Variants in FREM1 observed in about 807,000 individuals in gnomAD.
FREM1 encodes FRAS1 related extracellular matrix 1.
FREM1 carries 220 observed loss-of-function variants against 210.1 expected under a neutral mutation model. The observed-to-expected ratio is 1.05, with a 90% CI of 0.94 to 1.17. The LOEUF is 1.17. Among genes scored for constraint, FREM1 ranks in the 50% most tolerant of loss-of-function variants. The pLI is 0.00. For missense variants in FREM1, 3,454 were observed against 2,675.5 expected, an observed-to-expected ratio of 1.29 and a Z score of -6.42; for synonymous variants, 1,189 against 980.2, an observed-to-expected ratio of 1.21 and a Z score of -3.98.
intron 13 of FREM1, 106 bp downstream of exon 13, chr9:14,823,054 T>C: frequency 1.3e-6 from 1 of 799,060 alleles, no homozygotes; most frequent in South Asian, 3.8e-5. Flanking sequence ...ATTTCTTTTA[T>C]AAGTTTAAAA....
chr9:14,863,753 T>G (rs1427363240), intron 3 of FREM1, 56 bp downstream of exon 3: 1 of 1,062,196 alleles, frequency 9.4e-7, no homozygotes, highest in Non-Finnish European at 1.5e-6. Context: ...AAAGCCCTCA[T>G]AAGAACACAG....
In FREM1 at chr9:14,820,149, C is replaced by A. The variant is rs549382807; in HGVS notation, c.2338-707G>T. On this transcript the variant is annotated intron_variant, in intron 13 of 36. Coordinates refer to ENST00000380880, the MANE Select transcript of FREM1 (RefSeq NM_001379081.2). ...TCATTGGGAGGGAGCAATAAGTGTTCTATGGCCAAATAAGTCTAGAAAAAA... is the reference window on the plus strand; with the variant it reads ...TCATTGGGAGGGAGCAATAAGTGTTATATGGCCAAATAAGTCTAGAAAAAA... Among the ~76,000 whole-genome samples the A allele has an allele frequency of 2.0e-5, 3 of 152,302 alleles. No individual in the cohort carries two copies. The East Asian group carries it at 5.8e-4, about 29-fold the overall frequency.
Position 14,752,320 on chromosome 9 carries a change from A to G in FREM1, c.5408-2044T>C, listed in dbSNP as rs932954002. Among the ~76,000 whole-genome samples the G allele has an allele frequency of 1.1e-4, 16 of 152,306 alleles. No individual in the cohort carries two copies. In the East Asian group the frequency reaches 1.9e-3, roughly 18 times the overall value. ...AGGAGGGAGGAAACAGGAAAACAAC[A>G]TAAGTAAAGACAGGAAGATAGCAAA... is the stretch of plus-strand genomic sequence containing the variant. On this transcript the variant is annotated intron_variant, in intron 29 of 36. Coordinates refer to ENST00000380880, the MANE Select transcript of FREM1 (RefSeq NM_001379081.2).
At chr9:14,902,378 G>A (rs539250968) in intron 1 of FREM1, among the ~76,000 whole-genome samples, 1 of 152,148 alleles carries the variant, frequency 6.6e-6, no homozygotes. Context: ...AAAAACTAAA[G>A]TGGGGGAAGG....
chr9:14,749,245 T>G (rs745715372), intron 30 of FREM1, among the ~76,000 whole-genome samples: 4 of 152,184 alleles, frequency 2.6e-5, no homozygotes, highest in South Asian at 2.1e-4. Flanking sequence ...GTGTATATCA[T>G]GTATTTTATG....
At position 14,812,698 on chromosome 9, in the gene FREM1, C is replaced by T. The variant is rs1588129742; in HGVS notation, c.2893+114G>A. Reference sequence around the variant, plus strand: ...AATGGAGGCCAGGCTGCAGCTGCTTCTTGTTTTTAATGGAAGTAACCATTC... The same window carrying T: ...AATGGAGGCCAGGCTGCAGCTGCTTTTTGTTTTTAATGGAAGTAACCATTC... On this transcript the variant is annotated intron_variant, in intron 16 of 36. Coordinates refer to ENST00000380880, the MANE Select transcript of FREM1 (RefSeq NM_001379081.2). 5.4e-6 allele frequency: 6 copies of T among 1,109,744 alleles called. No homozygotes were observed. In the East Asian group the frequency reaches 1.5e-4, roughly 27 times the overall value. 68.7% of individuals were successfully genotyped at this position (1,109,744 alleles called of 1,614,324 possible).
At position 14,746,385 on chromosome 9, in the gene FREM1, G is replaced by C; in HGVS notation, c.6222C>G (p.Thr2074=). ...CHILITEQKG[T]WNAAAQACRE... is the part of the protein sequence containing the mutation. Reference sequence around the variant, plus strand: ...TGCAAGCTTGGGCAGCCGCATTCCAGGTGCCTTTCTGCTCTGTGATCAAGA... The same window carrying C: ...TGCAAGCTTGGGCAGCCGCATTCCACGTGCCTTTCTGCTCTGTGATCAAGA... Residue 2074 remains threonine, a synonymous_variant, in exon 35 of 37, where the codon ACC becomes ACG. Coordinates refer to ENST00000380880, the MANE Select transcript of FREM1 (RefSeq NM_001379081.2). 6.2e-7 allele frequency: 1 copy of C among 1,613,808 alleles called. No individual in the cohort carries two copies. The highest frequency in any genetic ancestry group is 8.5e-7 in the Non-Finnish European group (1 of 1,179,740).
At chr9:14,794,582 A>G (rs1014879277) in intron 21 of FREM1, among the ~76,000 whole-genome samples, 2 of 152,252 alleles carry the variant, frequency 1.3e-5, no homozygotes, top group Admixed American at 6.5e-5. Flanking sequence ...AGCATCCTCT[A>G]CAGTAGCTAA....
intron 28 of FREM1, among the ~76,000 whole-genome samples, chr9:14,757,282 C>T (rs888823854): frequency 4.6e-5 from 7 of 152,180 alleles, no homozygotes; most frequent in African/African-American, 1.2e-4. Context: ...TGAGCCGGCA[C>T]GGTGGCTCAC....
At chr9:14,738,142 C>A (rs1223444216) in intron 36 of FREM1, among the ~76,000 whole-genome samples, 1 of 152,108 alleles carries the variant, frequency 6.6e-6, no homozygotes, top group Non-Finnish European at 1.5e-5. Context: ...CAATAAAAAG[C>A]AGATTTTCTC....
At chr9:14,770,573 A>G (rs1387214126) in intron 26 of FREM1, 32 bp downstream of exon 26, 2 of 1,541,916 alleles carry the variant, frequency 1.3e-6, no homozygotes, top group Non-Finnish European at 1.8e-6. Context: ...GTATTTTAAA[A>G]TGGCAATTGT....
At chr9:14,771,601 T>C (rs1367356078) in intron 25 of FREM1, among the ~76,000 whole-genome samples, 2 of 152,132 alleles carry the variant, frequency 1.3e-5, no homozygotes, top group African/African-American at 4.8e-5. Flanking sequence ...TTGGATGGAT[T>C]AGAACAGATC....
intron 1 of FREM1, among the ~76,000 whole-genome samples, chr9:14,901,952 A>T (rs1838862578): frequency 6.6e-6 from 1 of 151,596 alleles, no homozygotes; most frequent in Admixed American, 6.6e-5. Flanking sequence ...CTGGGTCTCA[A>T]GTGATCCTCC....
chr9:14,757,189 C>A (rs1035974046), intron 28 of FREM1, among the ~76,000 whole-genome samples: 11 of 152,176 alleles, frequency 7.2e-5, no homozygotes, highest in African/African-American at 2.4e-4. Context: ...AGACTAAAAA[C>A]CAAAGAGGCG....
rs1285837102 is a variant in FREM1 at position 14,824,874 on chromosome 9, T to G, written c.2000A>C (p.His667Pro). The G allele has an allele frequency of 6.2e-7, 1 of 1,613,490 alleles. No individual in the cohort carries two copies. Among genetic ancestry groups the G allele is most frequent in the East Asian group, 2.2e-5 (1 of 44,872 alleles). The change falls in exon 11 of 37, where the codon CAT becomes CCT. Residue 667 changes from histidine to proline, a missense_variant. Transcript: ENST00000380880. ...GTCATATGATTCTGAATCTATAAAATGTAGCTGTTTCTTAGTTATATAGGC... is the reference window on the plus strand; with the variant it reads ...GTCATATGATTCTGAATCTATAAAAGGTAGCTGTTTCTTAGTTATATAGGC... ...EVAYITKKQLHFIDSESYDRE... is the reference protein window; with the variant it reads ...EVAYITKKQLPFIDSESYDRE...
chr9:14,900,966 C>T (rs540161434), intron 1 of FREM1, among the ~76,000 whole-genome samples: 8 of 152,124 alleles, frequency 5.3e-5, no homozygotes, highest in African/African-American at 1.9e-4. Flanking sequence ...GGAAGCAAAG[C>T]CTAAAATGAA....
chr9:14,797,423 C>CAT (rs1852635657), intron 21 of FREM1, 75 bp downstream of exon 21: 1 of 1,216,484 alleles, frequency 8.2e-7, no homozygotes, highest in Non-Finnish European at 1.1e-6. Flanking sequence ...GAGACACACA[C>CAT]ACACCTGTAC....
chr9:14,778,314 TA>T (rs1035857869), intron 24 of FREM1, among the ~76,000 whole-genome samples: 9 of 148,992 alleles, frequency 6.0e-5, no homozygotes, highest in African/African-American at 1.2e-4. Flanking sequence ...AATTATTTAT[TA>T]AAAAAAATAA....
intron 3 of FREM1, among the ~76,000 whole-genome samples, chr9:14,861,070 CATATAT>C (rs1830251859): frequency 6.0e-5 from 3 of 50,228 alleles, no homozygotes; most frequent in Admixed American, 2.3e-4. Context: ...TACACATATA[CATATAT>C]ACATATATAC....
Sources: allele counts gnomAD v4.1 joint callset (sites outside exome capture counted in the v4.1 genomes callset), GRCh38; gene constraint gnomAD v4.1.1; transcripts MANE v1.5; gene names NCBI Gene and HGNC (gene_info 2026-07-23, HGNC 2026-07-21).